The following TIAM1 variants were observed in gnomAD, a reference collection of about 807,000 sequenced individuals.
The protein encoded by TIAM1 is TIAM Rac1 associated GEF 1, also known as rho guanine nucleotide exchange factor TIAM1.
A neutral mutation model predicts 163.5 loss-of-function variants in TIAM1; 65 were observed. The observed-to-expected ratio is 0.40, with a 90% confidence interval of 0.33 to 0.49. The LOEUF is 0.49. Among genes scored for constraint, TIAM1 ranks in the 20% least tolerant of loss-of-function variants. The pLI, the probability that TIAM1 is intolerant of heterozygous loss-of-function variation, is 0.77. For synonymous variants in TIAM1, 833 were observed against 810.1 expected (o/e 1.03, Z -0.48); for missense variants, 1,789 against 2,044.7 (o/e 0.87, Z 2.41).
chr21:31,543,706 C>T (rs2048393908), intron 1 of TIAM1, among the ~76,000 whole-genome samples: 1 of 152,110 alleles, frequency 6.6e-6, no homozygotes, highest in Admixed American at 6.6e-5. Context: ...GATATATCCC[C>T]GAGGAGAAGT....
At chr21:31,346,131 A>T (rs946908947), upstream of TIAM1, among the ~76,000 whole-genome samples, 2 of 151,992 alleles carry the variant, frequency 1.3e-5, no homozygotes, top group African/African-American at 4.8e-5. Flanking sequence ...GCTGCTCTAC[A>T]TCCTATCATG....
intron 1 of TIAM1, among the ~76,000 whole-genome samples, chr21:31,509,115 A>G (rs927215898): frequency 6.6e-6 from 1 of 152,194 alleles, no homozygotes; most frequent in African/African-American, 2.4e-5. Context: ...CATTTGGAGT[A>G]TCTGCGTGCC....
intron 9 of TIAM1, among the ~76,000 whole-genome samples, chr21:31,216,338 T>C (rs922716779): frequency 6.6e-6 from 1 of 152,176 alleles, no homozygotes; most frequent in African/African-American, 2.4e-5. Flanking sequence ...AGTCAGTCGA[T>C]GACGTCCTCT....
chr21:31,485,322 C>CACAGA (rs1358428991), intron 1 of TIAM1, among the ~76,000 whole-genome samples: 1 of 152,118 alleles, frequency 6.6e-6, no homozygotes, highest in East Asian at 1.9e-4. Context: ...TTCTCATCCT[C>CACAGA]ACATCTTACA....
At chr21:31,498,815 G>A (rs796494080) in intron 1 of TIAM1, among the ~76,000 whole-genome samples, 26 of 152,120 alleles carry the variant, frequency 1.7e-4, no homozygotes, top group African/African-American at 6.0e-4. Context: ...GCGTGATGGC[G>A]GGTGCCTGGA....
chr21:31,450,671 A>G (rs1053689768), intron 2 of TIAM1, among the ~76,000 whole-genome samples: 1 of 152,212 alleles, frequency 6.6e-6, no homozygotes, highest in African/African-American at 2.4e-5. Flanking sequence ...AACAAAGTGT[A>G]ATGGACTCAC....
intron 2 of TIAM1, among the ~76,000 whole-genome samples, chr21:31,316,388 C>G (rs845966): frequency 0.42 from 64,606 of 152,034 alleles, 14,373 homozygotes; most frequent in African/African-American, 0.57. Context: ...ACAATGGTGA[C>G]ATGTAGCCAC....
intron 2 of TIAM1, among the ~76,000 whole-genome samples, chr21:31,408,241 G>A (rs1425903516): frequency 1.3e-5 from 2 of 152,040 alleles, no homozygotes; most frequent in Admixed American, 1.3e-4. Flanking sequence ...TTTTACATTT[G>A]TGGCCAAAAT....
At chr21:31,305,513 T>C (rs978540011) in intron 2 of TIAM1, among the ~76,000 whole-genome samples, 53 of 152,136 alleles carry the variant, frequency 3.5e-4, no homozygotes, top group Non-Finnish European at 2.2e-4. Flanking sequence ...GTTCCACTGA[T>C]AGCTGCCCCT....
intron 2 of TIAM1, among the ~76,000 whole-genome samples, chr21:31,359,063 T>A (rs1397890815): frequency 6.6e-6 from 1 of 152,184 alleles, no homozygotes; most frequent in Non-Finnish European, 1.5e-5. Context: ...AATTTCTTTA[T>A]ATTCTTTTAG....
intron 2 of TIAM1, among the ~76,000 whole-genome samples, chr21:31,292,580 G>C (rs1014526533): frequency 5.3e-5 from 8 of 151,674 alleles, no homozygotes; most frequent in African/African-American, 1.9e-4. Context: ...ATGTTGGCTA[G>C]GCTGGTCTCA....
intron 19 of TIAM1, among the ~76,000 whole-genome samples, chr21:31,151,877 G>A (rs923267522): frequency 6.6e-6 from 1 of 152,114 alleles, no homozygotes; most frequent in African/African-American, 2.4e-5. Flanking sequence ...CCTTGCTAAG[G>A]CACTAGTCAT....
chr21:31,195,377 A>T, intron 12 of TIAM1, 72 bp from the exon 13 acceptor site: 1 of 1,129,284 alleles, frequency 8.9e-7, no homozygotes, highest in Non-Finnish European at 1.3e-6. Context: ...ATCATTTCAT[A>T]AATCTATTTT....
At chr21:31,255,017 C>A (rs186337536) in intron 4 of TIAM1, among the ~76,000 whole-genome samples, 3 of 152,212 alleles carry the variant, frequency 2.0e-5, no homozygotes, top group African/African-American at 7.2e-5. Context: ...TGGACACTCA[C>A]CTCTGTATAA....
chr21:31,326,619 G>A (rs775925384), intron 2 of TIAM1, among the ~76,000 whole-genome samples: 1 of 152,120 alleles, frequency 6.6e-6, no homozygotes, highest in Non-Finnish European at 1.5e-5. Context: ...GTATCTCAGG[G>A]TATTCCCCAC....
At chr21:31,323,283 G>C (rs2075376360) in intron 2 of TIAM1, among the ~76,000 whole-genome samples, 1 of 143,134 alleles carries the variant, frequency 7.0e-6, no homozygotes, top group African/African-American at 2.6e-5. Context: ...GCGAGACTTT[G>C]ATTCAAAAAA....
chr21:31,293,716 G>T (rs894666034), intron 2 of TIAM1, among the ~76,000 whole-genome samples: 1 of 152,288 alleles, frequency 6.6e-6, no homozygotes, highest in African/African-American at 2.4e-5. Context: ...GCGAAGAGCG[G>T]CAAGTCTTGC....
At chr21:31,148,782 A>G (rs1002312056) in intron 19 of TIAM1, among the ~76,000 whole-genome samples, 1 of 152,168 alleles carries the variant, frequency 6.6e-6, no homozygotes, top group South Asian at 2.1e-4. Flanking sequence ...CACTTCCCCA[A>G]TGTTTCTGTT....
intron 5 of TIAM1, among the ~76,000 whole-genome samples, 154 bp downstream of exon 5, chr21:31,251,588 A>C (rs1393850373): frequency 1.3e-5 from 2 of 152,204 alleles, no homozygotes; most frequent in African/African-American, 4.8e-5. Flanking sequence ...TTTCATGCGA[A>C]GTGCTCTTAC....
Sources: allele counts gnomAD v4.1 joint callset (sites outside exome capture counted in the v4.1 genomes callset), GRCh38; gene constraint gnomAD v4.1.1; transcripts MANE v1.5; gene names NCBI Gene and HGNC (gene_info 2026-07-23, HGNC 2026-07-21).